L3MBTL4: variants seen among roughly 807,000 people sequenced by gnomAD.
L3MBTL4 encodes the protein lethal(3)malignant brain tumor-like protein 4.
Under a neutral mutation model 84.5 loss-of-function variants are expected in L3MBTL4, and 70 were observed. That is an observed-to-expected ratio of 0.83 (90% confidence interval 0.68 to 1.01). The LOEUF is 1.01. Among genes scored for constraint, L3MBTL4 ranks in the 50% least tolerant of loss-of-function variants. The pLI, the probability that L3MBTL4 is intolerant of heterozygous loss-of-function variation, is 0.00. For missense variants in L3MBTL4, 715 were observed against 754.8 expected, an observed-to-expected ratio of 0.95 and a Z score of 0.62; for synonymous variants, 274 against 259.8, an observed-to-expected ratio of 1.05 and a Z score of -0.52.
chr18:6,397,395 T>C (rs2055317618), intron 1 of L3MBTL4: 1 of 152,220 alleles, frequency 6.6e-6, no homozygotes, highest in African/African-American at 2.4e-5. Context: ...GTAATTTGTT[T>C]TGTTAATAGT....
chr18:6,005,271 G>C (rs547664685), intron 16 of L3MBTL4, among the ~76,000 whole-genome samples: 3 of 151,658 alleles, frequency 2.0e-5, no homozygotes, highest in African/African-American at 4.8e-5. Flanking sequence ...GCTTGAACCC[G>C]GGAGGCAGAG....
chr18:6,186,438 A>T (rs1458524815), intron 12 of L3MBTL4, among the ~76,000 whole-genome samples: 1 of 152,168 alleles, frequency 6.6e-6, no homozygotes, highest in East Asian at 1.9e-4. Flanking sequence ...TTGATCTTAC[A>T]CTAATGGAAG....
chr18:6,245,710 C>A (rs1304742962), intron 5 of L3MBTL4, among the ~76,000 whole-genome samples: 1 of 151,940 alleles, frequency 6.6e-6, no homozygotes, highest in African/African-American at 2.4e-5. Context: ...CTGCCTCAGC[C>A]TCCCAAGTAG....
intron 1 of L3MBTL4, among the ~76,000 whole-genome samples, chr18:6,342,692 G>GA (rs1033724187): frequency 6.6e-6 from 1 of 151,782 alleles, no homozygotes; most frequent in Non-Finnish European, 1.5e-5. Context: ...ACAAAACAGT[G>GA]AAAAAAACAA....
At chr18:6,373,152 G>C (rs77791586) in intron 1 of L3MBTL4, among the ~76,000 whole-genome samples, 1 of 152,080 alleles carries the variant, frequency 6.6e-6, no homozygotes, top group Non-Finnish European at 1.5e-5. Flanking sequence ...TAATGAGGCC[G>C]CACCATGAAG....
At chr18:6,217,640 C>T (rs773992304) in intron 10 of L3MBTL4, among the ~76,000 whole-genome samples, 1 of 152,130 alleles carries the variant, frequency 6.6e-6, no homozygotes. Flanking sequence ...TGGAATGCAT[C>T]CAGGAGTAAC....
At chr18:6,370,399 G>A (rs868557961) in intron 1 of L3MBTL4, among the ~76,000 whole-genome samples, 4 of 152,230 alleles carry the variant, frequency 2.6e-5, no homozygotes, top group African/African-American at 7.2e-5. Context: ...AAGGAGCAAT[G>A]AAGTCAGCTT....
Position 6,243,391 on chromosome 18 carries a change from A to G in L3MBTL4, c.363T>C (p.Tyr121=). The part of the protein sequence containing the change: ...GYRLRLHFDG[Y]LSCYDFWTNA... ...TGGTCCAAAAATCATAGCAACTTAA[A>G]TAACCATCAAAATGAAGTCTTAGAC... The change falls in exon 7 of 19, where the codon TAT becomes TAC. Residue 121 remains tyrosine, a synonymous_variant. Transcript: ENST00000317931. 1 of 1,607,886 alleles carries G rather than the reference A, an allele frequency of 6.2e-7. No homozygotes were observed. Among genetic ancestry groups the G allele is most frequent in the South Asian group, 1.1e-5 (1 of 89,010 alleles).
intron 1 of L3MBTL4, among the ~76,000 whole-genome samples, chr18:6,381,269 T>C (rs908766517): frequency 9.9e-5 from 15 of 152,166 alleles, no homozygotes; most frequent in African/African-American, 3.6e-4. Context: ...CACTGATGGG[T>C]CTTGACTCTT....
chr18:6,164,885 G>A (rs947401724), intron 13 of L3MBTL4, among the ~76,000 whole-genome samples: 4 of 152,238 alleles, frequency 2.6e-5, no homozygotes, highest in Admixed American at 2.6e-4. Flanking sequence ...ACTACTCTGA[G>A]CTAAAGGAAG....
chr18:6,036,856 T>C (rs925750444), intron 16 of L3MBTL4, among the ~76,000 whole-genome samples: 1 of 152,230 alleles, frequency 6.6e-6, no homozygotes, highest in Non-Finnish European at 1.5e-5. Context: ...TCCTTAGGTC[T>C]TTCCTGGGCC....
chr18:6,307,385 C>T lies in L3MBTL4; in HGVS notation c.72+4169G>A, dbSNP rs369191844. 8.0e-5 allele frequency among the ~76,000 whole-genome samples: 12 copies of T among 150,008 alleles called. No individual in the cohort carries two copies. In the East Asian group the frequency reaches 1.8e-3, roughly 22 times the overall value. Reference sequence around the variant, plus strand: ...CTGGGAGACGGAGATTGCAGTGAGCCGAGATTGCGCCACTGCACTCCAGCC... The same window carrying T: ...CTGGGAGACGGAGATTGCAGTGAGCTGAGATTGCGCCACTGCACTCCAGCC... On this transcript the variant is annotated intron_variant, in intron 3 of 18. Transcript: ENST00000317931.
At chr18:6,120,941 T>G (rs1272430666) in intron 14 of L3MBTL4, among the ~76,000 whole-genome samples, 1 of 152,174 alleles carries the variant, frequency 6.6e-6, no homozygotes, top group Non-Finnish European at 1.5e-5. Flanking sequence ...GGTGCATGTC[T>G]TTTGGTGAGC....
Position 6,032,155 on chromosome 18 carries a change from T to C in L3MBTL4, c.1444+48726A>G, listed in dbSNP as rs555748882. On this transcript the variant is annotated intron_variant, in intron 16 of 18. Coordinates refer to ENST00000317931, the MANE Select transcript of L3MBTL4 (RefSeq NM_001330559.2). ...ACCACGCCTGGCTAATTTTTTGTAT[T>C]TTTGGTAGAGACGGGGTTTCACTGC... 9 of 295,830 alleles carry C rather than the reference T, an allele frequency of 3.0e-5. 1 individual carries two copies. In the South Asian group the frequency reaches 3.5e-4, roughly 12 times the overall value. 18.3% of individuals were successfully genotyped at this position (295,830 alleles called of 1,614,324 possible). A position where few individuals can be genotyped will look rare whatever the true frequency, so the allele number is the denominator to read the frequency against.
intron 1 of L3MBTL4, among the ~76,000 whole-genome samples, chr18:6,346,786 A>C (rs2052926882): frequency 6.6e-6 from 1 of 152,152 alleles, no homozygotes; most frequent in Non-Finnish European, 1.5e-5. Context: ...CAAAATACTA[A>C]AAATATGACT....
At chr18:6,016,040 G>A (rs943175367) in intron 16 of L3MBTL4, among the ~76,000 whole-genome samples, 12 of 152,158 alleles carry the variant, frequency 7.9e-5, no homozygotes, top group African/African-American at 1.9e-4. Flanking sequence ...GAAGATGAAC[G>A]CTTGGCTGGA....
chr18:6,167,532 T>C (rs1173544299), intron 13 of L3MBTL4, among the ~76,000 whole-genome samples: 1 of 152,040 alleles, frequency 6.6e-6, no homozygotes. Flanking sequence ...CATACGCAAA[T>C]CAATAAATGT....
At position 6,239,804 on chromosome 18, in the gene L3MBTL4, G is replaced by A; in HGVS notation, c.621C>T (p.Ser207=). Residue 207 remains serine, a synonymous_variant, in exon 9 of 19, where the codon TCC becomes TCT. Coordinates refer to ENST00000317931, the MANE Select transcript of L3MBTL4 (RefSeq NM_001330559.2). ...KLEAVDRKNP[S]LVCVATIADI... ...CTGCTATGGTCGCCACACACACCAA[G>A]GAAGGGTTCTTCCTGTCCACGGCCT... 1 of 1,614,144 alleles carries A rather than the reference G, an allele frequency of 6.2e-7. No homozygotes were observed. Among genetic ancestry groups the A allele is most frequent in the Non-Finnish European group, 8.5e-7 (1 of 1,180,018 alleles).
At chr18:6,048,788 CA>C (rs34017015) in intron 16 of L3MBTL4, among the ~76,000 whole-genome samples, 165 of 140,414 alleles carry the variant, frequency 1.2e-3, no homozygotes, top group Admixed American at 1.4e-3. Flanking sequence ...GACTCCATCT[CA>C]AAAAAAAAAA....
Sources: allele counts gnomAD v4.1 joint callset (sites outside exome capture counted in the v4.1 genomes callset), GRCh38; gene constraint gnomAD v4.1.1; transcripts MANE v1.5; gene names NCBI Gene and HGNC (gene_info 2026-07-23, HGNC 2026-07-21).